The following TAFA1 variants were observed in gnomAD, a reference collection of about 807,000 sequenced individuals.
TAFA1 encodes the protein TAFA chemokine like family member 1, also known as chemokine-like protein TAFA-1.
TAFA1 carries 4 observed loss-of-function variants against 18.5 expected under a neutral mutation model. That is an observed-to-expected ratio of 0.22 (90% confidence interval 0.11 to 0.49). TAFA1 has a LOEUF of 0.49. Among genes scored for constraint, TAFA1 ranks in the 20% least tolerant of loss-of-function variants. The pLI is 0.98. For synonymous variants in TAFA1, 56 were observed against 55.2 expected, an observed-to-expected ratio of 1.01 and a Z score of -0.06; for missense variants, 147 against 169.0, an observed-to-expected ratio of 0.87 and a Z score of 0.72.
chr3:68,522,067 C>T (rs1420044594), intron 3 of TAFA1, among the ~76,000 whole-genome samples: 1 of 151,514 alleles, frequency 6.6e-6, no homozygotes, highest in Non-Finnish European at 1.5e-5. Context: ...GGGTGGTCTC[C>T]ATCTCCTGGC....
At chr3:68,458,761 A>G (rs992640973) in intron 3 of TAFA1, among the ~76,000 whole-genome samples, 1 of 152,168 alleles carries the variant, frequency 6.6e-6, no homozygotes, top group Non-Finnish European at 1.5e-5. Flanking sequence ...TGCTTGGAGT[A>G]GAGACATTTT....
At chr3:68,457,086 A>T (rs1290532782) in intron 3 of TAFA1, among the ~76,000 whole-genome samples, 3 of 152,266 alleles carry the variant, frequency 2.0e-5, no homozygotes, top group Non-Finnish European at 4.4e-5. Flanking sequence ...AGATAATTAG[A>T]GTCACATGGC....
At chr3:68,080,780 A>T (rs186874506) in intron 2 of TAFA1, among the ~76,000 whole-genome samples, 4 of 152,152 alleles carry the variant, frequency 2.6e-5, no homozygotes, top group African/African-American at 9.6e-5. Flanking sequence ...TGAATCTGAC[A>T]ATTATGTGTC....
intron 2 of TAFA1, among the ~76,000 whole-genome samples, chr3:68,370,492 A>ATGTG (rs1553682571): frequency 4.7e-5 from 4 of 85,296 alleles, no homozygotes; most frequent in East Asian, 4.1e-4. Flanking sequence ...ATATATATAT[A>ATGTG]TATATATATA....
In TAFA1 at chr3:68,041,576, AT is replaced by A. The variant is rs546654939; in HGVS notation, c.118+34838del. 5.3e-5 allele frequency among the ~76,000 whole-genome samples: 8 copies of A among 152,180 alleles called. No individual in the cohort carries two copies. The East Asian group carries it at 1.2e-3, about 22-fold the overall frequency. On this transcript the variant is annotated intron_variant, in intron 2 of 4. Transcript: ENST00000478136. Reference sequence around the variant, plus strand: ...AGGTTTGGAAACTAATACTTTGCTCATTTTTTCCATTCAGGTATTGAAAACT... The same window carrying A: ...AGGTTTGGAAACTAATACTTTGCTCATTTTTCCATTCAGGTATTGAAAACT...
chr3:68,167,191 G>A (rs138455944), intron 2 of TAFA1, among the ~76,000 whole-genome samples: 56 of 152,274 alleles, frequency 3.7e-4, no homozygotes, highest in Admixed American at 1.7e-3. Context: ...AATGTGGGAT[G>A]TTTCCTTTAT....
intron 2 of TAFA1, among the ~76,000 whole-genome samples, chr3:68,046,811 C>T (rs974437640): frequency 2.6e-5 from 4 of 152,104 alleles, no homozygotes; most frequent in African/African-American, 9.7e-5. Context: ...CCCCAGAGAC[C>T]TAGCTCTAGA....
chr3:68,366,278 G>C (rs940569947), intron 2 of TAFA1, among the ~76,000 whole-genome samples: 1 of 152,090 alleles, frequency 6.6e-6, no homozygotes, highest in Non-Finnish European at 1.5e-5. Context: ...ATCAATGGGT[G>C]AGTGTCCTTT....
chr3:68,212,527 C>T (rs2066609408), intron 2 of TAFA1, among the ~76,000 whole-genome samples: 1 of 151,980 alleles, frequency 6.6e-6, no homozygotes, highest in Non-Finnish European at 1.5e-5. Flanking sequence ...GAGACATCTT[C>T]CCCCTGCAAT....
At chr3:68,319,325 A>G (rs765316811) in intron 2 of TAFA1, among the ~76,000 whole-genome samples, 2 of 152,182 alleles carry the variant, frequency 1.3e-5, no homozygotes, top group Non-Finnish European at 2.9e-5. Context: ...ACCAGGGGCT[A>G]TTTTGCCCCC....
At position 68,070,301 on chromosome 3, in the gene TAFA1, G is replaced by C. The variant is rs141377651; in HGVS notation, c.118+63557G>C. Among the ~76,000 whole-genome samples, 275 of 152,306 alleles carry C rather than the reference G, an allele frequency of 1.8e-3. 2 individuals carry two copies. The highest frequency in any genetic ancestry group is 6.3e-3 in the African/African-American group (261 of 41,566). On this transcript the variant is annotated intron_variant, in intron 2 of 4. Transcript: ENST00000478136. ...CATCACATGGAAGCTGCTAAGACTT[G>C]GGACTTGCACCCTCTGAAGCCACAG... is the stretch of plus-strand genomic sequence containing the variant.
At chr3:68,111,108 C>G (rs574065506) in intron 2 of TAFA1, among the ~76,000 whole-genome samples, 1 of 152,170 alleles carries the variant, frequency 6.6e-6, no homozygotes, top group Non-Finnish European at 1.5e-5. Flanking sequence ...ATATAGGCTA[C>G]CACTACAGAT....
intron 2 of TAFA1, among the ~76,000 whole-genome samples, chr3:68,066,503 T>C (rs912505092): frequency 2.6e-5 from 4 of 152,196 alleles, no homozygotes; most frequent in Non-Finnish European, 5.9e-5. Context: ...TTTCTCTATC[T>C]GAATGGTGCA....
chr3:68,271,834 TCTCACA>T (rs2067680339), intron 2 of TAFA1, among the ~76,000 whole-genome samples: 1 of 150,566 alleles, frequency 6.6e-6, no homozygotes, highest in Non-Finnish European at 1.5e-5. Context: ...TCTCTCTCTC[TCTCACA>T]CACACACACA....
chr3:68,048,705 T>A (rs1229847871), intron 2 of TAFA1, among the ~76,000 whole-genome samples: 8 of 152,106 alleles, frequency 5.3e-5, no homozygotes, highest in Non-Finnish European at 1.2e-4. Context: ...AATGAGAATA[T>A]GTGAAGTTTG....
At chr3:68,525,461 G>C (rs1444973007) in intron 3 of TAFA1, among the ~76,000 whole-genome samples, 2 of 152,096 alleles carry the variant, frequency 1.3e-5, no homozygotes, top group East Asian at 3.9e-4. Context: ...TATTTTTTCT[G>C]ATAGGTAAAG....
chr3:68,096,821 G>A (rs1194354435), intron 2 of TAFA1, among the ~76,000 whole-genome samples: 14 of 152,066 alleles, frequency 9.2e-5, no homozygotes, highest in East Asian at 1.9e-4. Flanking sequence ...AATTAGAATC[G>A]CAAAGCACTT....
chr3:68,328,064 C>T (rs9848233), intron 2 of TAFA1, among the ~76,000 whole-genome samples: 7,648 of 152,140 alleles, frequency 0.05, 227 homozygotes, highest in African/African-American at 0.086. Flanking sequence ...TGGTTAACGT[C>T]GGCCTGTGAA....
chr3:68,422,860 A>G (rs1342472366), intron 3 of TAFA1, among the ~76,000 whole-genome samples: 2 of 151,988 alleles, frequency 1.3e-5, no homozygotes, highest in Admixed American at 1.3e-4. Flanking sequence ...CTATAACCCA[A>G]AATGGAAGTG....
Sources: allele counts gnomAD v4.1 joint callset (sites outside exome capture counted in the v4.1 genomes callset), GRCh38; gene constraint gnomAD v4.1.1; transcripts MANE v1.5; gene names NCBI Gene and HGNC (gene_info 2026-07-23, HGNC 2026-07-21).